SH2B3: variants seen among roughly 807,000 people sequenced by gnomAD.
SH2B3 encodes the protein SH2B adaptor protein 3.
A neutral mutation model predicts 51.9 loss-of-function variants in SH2B3; 43 were observed. The observed-to-expected ratio is 0.83, with a 90% CI of 0.65 to 1.07. SH2B3 has a LOEUF of 1.07. Ranked by LOEUF, SH2B3 falls within the 50% of genes least tolerant of loss-of-function variation. The pLI is 0.00. For synonymous variants in SH2B3, 396 were observed against 376.0 expected, an observed-to-expected ratio of 1.05 and a Z score of -0.62; for missense variants, 952 against 834.3, an observed-to-expected ratio of 1.14 and a Z score of -1.74.
chr12:111,444,675 TC>T, intron 2 of SH2B3: 1 of 956,528 alleles, frequency 1.0e-6, no homozygotes, highest in South Asian at 4.8e-5. Context: ...TGAGCTTGTC[TC>T]CCCTCTCACC....
Position 111,447,835 on chromosome 12 carries a change from C to A in SH2B3, c.1408+8C>A, listed in dbSNP as rs2135622504. 6.2e-7 allele frequency: 1 copy of A among 1,611,050 alleles called. No homozygotes were observed. The highest frequency in any genetic ancestry group is 8.5e-7 in the Non-Finnish European group (1 of 1,177,716). On this transcript the variant is annotated splice_region_variant and intron_variant, in intron 7 of 7. Coordinates refer to ENST00000341259, the MANE Select transcript of SH2B3 (RefSeq NM_005475.3). ...TCGTCTCCCAACCACCAGGTCTGACCCTACTGCCCTTTGCTGAAGGGGGTG... is the reference window on the plus strand; with the variant it reads ...TCGTCTCCCAACCACCAGGTCTGACACTACTGCCCTTTGCTGAAGGGGGTG...
chr12:111,439,624 G>A (rs2135591568), intron 2 of SH2B3, among the ~76,000 whole-genome samples: 1 of 152,304 alleles, frequency 6.6e-6, no homozygotes, highest in Non-Finnish European at 1.5e-5. Flanking sequence ...TGTTGTCGAG[G>A]CTGGAGTGCA....
chr12:111,417,961 C>A (rs2135546107), intron 1 of SH2B3, among the ~76,000 whole-genome samples, 158 bp from the exon 2 acceptor site: 1 of 152,310 alleles, frequency 6.6e-6, no homozygotes, highest in Non-Finnish European at 1.5e-5. Context: ...TTACAGAATG[C>A]CACTTGGTAG....
At chr12:111,404,889 G>A (rs1403790861), upstream of SH2B3, among the ~76,000 whole-genome samples, 5 of 152,258 alleles carry the variant, frequency 3.3e-5, no homozygotes, top group Non-Finnish European at 7.3e-5. Context: ...TGCCCGGGTA[G>A]GAAGAGGGGG....
chr12:111,409,745 C>T lies in SH2B3; in HGVS notation c.-28+3468C>T, dbSNP rs1870537714. Reference sequence around the variant, plus strand: ...GCCTGGCAGCAGGACCAGGCCACCACTGGACATCTGCTCAATGGGGCCCTG... The same window carrying T: ...GCCTGGCAGCAGGACCAGGCCACCATTGGACATCTGCTCAATGGGGCCCTG... On this transcript the variant is annotated intron_variant, in intron 1 of 7. Transcript: ENST00000341259. This position sits in a 1 kb window ranked among gnomAD's most constrained non-coding sequence, Gnocchi z 4.0. Among the ~76,000 whole-genome samples the T allele has an allele frequency of 6.6e-6, 1 of 152,214 alleles. No homozygotes were observed. The highest frequency in any genetic ancestry group is 1.5e-5 in the Non-Finnish European group (1 of 68,024).
chr12:111,422,811 C>G (rs554737385), intron 2 of SH2B3, among the ~76,000 whole-genome samples: 13 of 152,296 alleles, frequency 8.5e-5, no homozygotes, highest in Admixed American at 7.8e-4. Context: ...CCACCTGCCT[C>G]AGCCTCCCAA....
rs1012122161 is a variant in SH2B3 at position 111,407,467 on chromosome 12, G to T, written c.-28+1190G>T. Among the ~76,000 whole-genome samples the T allele has an allele frequency of 6.6e-6, 1 of 152,242 alleles. No individual in the cohort carries two copies. On this transcript the variant is annotated intron_variant, in intron 1 of 7. Transcript: ENST00000341259. The surrounding 1 kb of genome is among the most constrained non-coding windows in gnomAD (Gnocchi z 4.3). The stretch of plus-strand genomic sequence containing the variant: ...CCTGTGGGTCTCCAGGGATGCAGGC[G>T]CAGGTTGTGTCTGGGTTTCCCATCA...
intron 7 of SH2B3, 28 bp downstream of exon 7, chr12:111,447,855 G>C (rs201863788): frequency 1.9e-6 from 3 of 1,606,246 alleles, no homozygotes; most frequent in South Asian, 2.2e-5. Flanking sequence ...TTTGCTGAAG[G>C]GGGTGGCTGA....
rs61142950 is a variant in SH2B3, at chr12:111,417,460, T to TTTTA, written c.-27-631_-27-628dup. ...GTGTGCTTGTCATATAGGGCCTTTA[T>TTTTA]TTTATTTATTTATTTATTTATTTAT... On this transcript the variant is annotated intron_variant, in intron 1 of 7. Coordinates refer to ENST00000341259, the MANE Select transcript of SH2B3 (RefSeq NM_005475.3). Among the ~76,000 whole-genome samples, 1,326 of 147,216 alleles carry TTTTA rather than the reference T, an allele frequency of 9.0e-3. 14 individuals are homozygous for TTTTA. The highest frequency in any genetic ancestry group is 0.014 in the African/African-American group (563 of 39,072).
chr12:111,432,670 T>C (rs945526760), intron 2 of SH2B3, among the ~76,000 whole-genome samples: 4 of 152,182 alleles, frequency 2.6e-5, no homozygotes, highest in African/African-American at 7.2e-5. Flanking sequence ...TCACTCCCCA[T>C]ACCTCCCTCC....
At chr12:111,411,474 A>G (rs886544882) in intron 1 of SH2B3, among the ~76,000 whole-genome samples, 1 of 152,122 alleles carries the variant, frequency 6.6e-6, no homozygotes, top group Non-Finnish European at 1.5e-5. Flanking sequence ...CCCGAATTAT[A>G]CTATTATCCA....
chr12:111,449,221 T>C lies in SH2B3; in HGVS notation c.*919T>C, dbSNP rs539165284. 4.6e-5 allele frequency: 7 copies of C among 152,758 alleles called. No individual in the cohort carries two copies. In the South Asian group the frequency reaches 8.3e-4, roughly 18 times the overall value. The allele number at this position is 152,758 out of a possible 1,614,324, so 9.5% of individuals were successfully genotyped here. On this transcript the variant is annotated 3_prime_UTR_variant, in exon 8 of 8. Transcript: ENST00000341259. ...CTGGTTTACAGCAGCTTTACAGTGA[T>C]AGTTAAATTAACTGGGGCTAGGGGA...
At chr12:111,434,459 T>C (rs184954937) in intron 2 of SH2B3, among the ~76,000 whole-genome samples, 7 of 152,348 alleles carry the variant, frequency 4.6e-5, no homozygotes, top group Admixed American at 1.3e-4. Flanking sequence ...CTGCTTGCCT[T>C]TTTCTTGATT....
intron 1 of SH2B3, among the ~76,000 whole-genome samples, chr12:111,416,739 C>G (rs1330254854): frequency 6.6e-6 from 1 of 152,218 alleles, no homozygotes; most frequent in African/African-American, 2.4e-5. Flanking sequence ...AGTAATCCAC[C>G]TGCCTCGGCC....
In SH2B3 at chr12:111,409,409, A is replaced by G. The variant is rs1427226933; in HGVS notation, c.-28+3132A>G. Among the ~76,000 whole-genome samples, 2 of 152,206 alleles carry G rather than the reference A, an allele frequency of 1.3e-5. No individual in the cohort carries two copies. The highest frequency in any genetic ancestry group is 2.9e-5 in the Non-Finnish European group (2 of 68,028). ...ACTTAATTGCCAGGTTTCCTGGGAAAACGGTCCCCAAGGGCCCGCGGGCGT... is the reference window on the plus strand; with the variant it reads ...ACTTAATTGCCAGGTTTCCTGGGAAGACGGTCCCCAAGGGCCCGCGGGCGT... On this transcript the variant is annotated intron_variant, in intron 1 of 7. Coordinates refer to ENST00000341259, the MANE Select transcript of SH2B3 (RefSeq NM_005475.3). The surrounding 1 kb of genome is among the most constrained non-coding windows in gnomAD (Gnocchi z 4.0).
chr12:111,436,494 A>G (rs2135583409), intron 2 of SH2B3, among the ~76,000 whole-genome samples: 1 of 152,254 alleles, frequency 6.6e-6, no homozygotes, highest in East Asian at 1.9e-4. Context: ...CCATCCTCAC[A>G]GCAGGCTGCA....
At position 111,409,449 on chromosome 12, in the gene SH2B3, G is replaced by T. The variant is rs901516760; in HGVS notation, c.-28+3172G>T. Reference sequence around the variant, plus strand: ...CCCGCGGGCGTTCAGCATCTTTGACGAGGCAGGGCAGGAAGCCGCTGCCGT... The same window carrying T: ...CCCGCGGGCGTTCAGCATCTTTGACTAGGCAGGGCAGGAAGCCGCTGCCGT... On this transcript the variant is annotated intron_variant, in intron 1 of 7. Transcript: ENST00000341259. This position sits in a 1 kb window ranked among gnomAD's most constrained non-coding sequence, Gnocchi z 4.0. 6.6e-6 allele frequency among the ~76,000 whole-genome samples: 1 copy of T among 152,176 alleles called. No individual in the cohort carries two copies. The highest frequency in any genetic ancestry group is 2.4e-5 in the African/African-American group (1 of 41,436).
intron 2 of SH2B3, among the ~76,000 whole-genome samples, chr12:111,442,935 G>C (rs1029156698): frequency 1.3e-5 from 2 of 152,224 alleles, no homozygotes; most frequent in African/African-American, 2.4e-5. Context: ...GCCAGTAACA[G>C]ACCCCACTCA....
intron 2 of SH2B3, among the ~76,000 whole-genome samples, chr12:111,440,934 G>A (rs1873348240): frequency 6.6e-6 from 1 of 152,146 alleles, no homozygotes; most frequent in African/African-American, 2.4e-5. Context: ...ATACCCTCTG[G>A]GAGCTCTGTT....
Sources: allele counts gnomAD v4.1 joint callset (sites outside exome capture counted in the v4.1 genomes callset), GRCh38; gene constraint gnomAD v4.1.1; non-coding constraint Gnocchi (gnomAD v3.1); transcripts MANE v1.5; gene names NCBI Gene and HGNC (gene_info 2026-07-23, HGNC 2026-07-21).